TMEM182: variants seen among roughly 807,000 people sequenced by gnomAD.
TMEM182 encodes transmembrane protein 182.
TMEM182 carries 20 observed loss-of-function variants against 26.8 expected under a neutral mutation model. The ratio of observed to expected loss-of-function variants is 0.75; its 90% CI spans 0.53 to 1.09. The LOEUF (loss-of-function observed/expected upper bound fraction) is 1.09, where lower values mean the gene tolerates loss of function less well. TMEM182 is among the 50% of genes least tolerant of loss of function. The pLI, the probability that TMEM182 is intolerant of heterozygous loss-of-function variation, is 0.00. For missense variants in TMEM182, 277 were observed against 275.5 expected, an observed-to-expected ratio of 1.01 and a Z score of -0.04; for synonymous variants, 109 against 102.2, an observed-to-expected ratio of 1.07 and a Z score of -0.40.
rs1415248604 is a variant in TMEM182 at position 102,752,749 on chromosome 2, C to T, written c.-82-5640C>T. On this transcript the variant is annotated intron_variant, in intron 1 of 5. Coordinates refer to the TMEM182 transcript ENST00000409173. The stretch of plus-strand genomic sequence containing the variant: ...GGAAAGTCAGTTGGAAAGGAGTTTG[C>T]AAGTCCATTACATGTTTCCTGATAA... Among the ~76,000 whole-genome samples, 3 of 152,208 alleles carry T rather than the reference C, an allele frequency of 2.0e-5. No individual in the cohort carries two copies. In the East Asian group the frequency reaches 5.8e-4, roughly 29 times the overall value.
At chr2:102,802,055 A>G (rs568830991) in intron 4 of TMEM182, among the ~76,000 whole-genome samples, 1 of 152,312 alleles carries the variant, frequency 6.6e-6, no homozygotes, top group East Asian at 1.9e-4. Context: ...AGCTCTGCCC[A>G]CAACTAGGAG....
At position 102,815,654 on chromosome 2, in the gene TMEM182, A is replaced by C; in HGVS notation, c.*686A>C. ...CTACATTTAAAACTAGCAAATCTGC[A>C]TACCAAATTATGTATAACGTAGATT... is the stretch of plus-strand genomic sequence containing the variant. On this transcript the variant is annotated 3_prime_UTR_variant, in exon 5 of 5. Transcript: ENST00000412401. 1.0e-6 allele frequency: 1 copy of C among 985,118 alleles called. No homozygotes were observed. The highest frequency in any genetic ancestry group is 1.2e-6 in the Non-Finnish European group (1 of 829,608). The allele number at this position is 985,118 out of a possible 1,614,324, so 61.0% of individuals were successfully genotyped here.
rs1314464949 is a variant in TMEM182, at chr2:102,764,384, C to T, written c.288C>T (p.Phe96=). The T allele has an allele frequency of 1.2e-6, 2 of 1,613,980 alleles. No individual in the cohort carries two copies. The highest frequency in any genetic ancestry group is 2.2e-5 in the South Asian group (2 of 91,082). Residue 96 remains phenylalanine, a synonymous_variant, in exon 3 of 5, where the codon TTC becomes TTT. Transcript: ENST00000412401. ...ATGCTTACCTGTCTCCGTACCCCTT[C>T]ATGAGAGGCGAGCACAACTCGACCT... is the stretch of plus-strand genomic sequence containing the variant. ...CTHAYLSPYP[F]MRGEHNSTSY...
intron 1 of TMEM182, among the ~76,000 whole-genome samples, chr2:102,740,009 AAGAGAGACCTGTACACT>A (rs1476985105): frequency 1.3e-5 from 2 of 152,278 alleles, no homozygotes; most frequent in East Asian, 3.9e-4. Flanking sequence ...TCAAAGACCC[AAGAGAGACCTGTACACT>A]GAAAAATATT....
intron 4 of TMEM182, among the ~76,000 whole-genome samples, chr2:102,811,176 A>C (rs1220171479): frequency 6.6e-6 from 1 of 152,090 alleles, no homozygotes; most frequent in African/African-American, 2.4e-5. Context: ...ACACTTTTGA[A>C]AAAAGTACAG....
In TMEM182 at chr2:102,815,722, A is replaced by T; in HGVS notation, c.*754A>T. 2.1e-6 allele frequency: 2 copies of T among 964,878 alleles called. No individual in the cohort carries two copies. Among genetic ancestry groups the T allele is most frequent in the Non-Finnish European group, 2.5e-6 (2 of 811,210 alleles). 59.8% of individuals were successfully genotyped at this position (964,878 alleles called of 1,614,324 possible). ...AAGTGAGTTAATTGTATAATGTAAT[A>T]TTGTTTAAAATATGTAAAAACCAAG... On this transcript the variant is annotated 3_prime_UTR_variant, in exon 5 of 5. Transcript: ENST00000412401.
intron 3 of TMEM182, among the ~76,000 whole-genome samples, chr2:102,768,517 C>A (rs1474004199): frequency 1.4e-5 from 2 of 140,476 alleles, no homozygotes; most frequent in Non-Finnish European, 3.1e-5. Context: ...GAAATCCTAT[C>A]TGTACTAAAA....
At position 102,746,291 on chromosome 2, in the gene TMEM182, T is replaced by A. The variant is rs180748546; in HGVS notation, c.-83+9278T>A. 7.2e-3 allele frequency among the ~76,000 whole-genome samples: 1,104 copies of A among 152,316 alleles called. 18 individuals are homozygous for A. The highest frequency in any genetic ancestry group is 0.025 in the African/African-American group (1,030 of 41,560). On this transcript the variant is annotated intron_variant, in intron 1 of 5. Coordinates refer to the TMEM182 transcript ENST00000409173. ...CCTGTTTTTTAATTGCGATTTTTTTTAAATTATTGAGTTGTAAGAGTTCTT... is the reference window on the plus strand; with the variant it reads ...CCTGTTTTTTAATTGCGATTTTTTTAAAATTATTGAGTTGTAAGAGTTCTT...
At chr2:102,830,244 T>G (rs1683124949) in intron 3 of TMEM182, among the ~76,000 whole-genome samples, 1 of 152,244 alleles carries the variant, frequency 6.6e-6, no homozygotes, top group Non-Finnish European at 1.5e-5. Flanking sequence ...AATCAAGTTT[T>G]GACAACCACT....
intron 4 of TMEM182, among the ~76,000 whole-genome samples, chr2:102,810,863 A>G (rs1168292621): frequency 2.0e-5 from 3 of 152,124 alleles, no homozygotes; most frequent in African/African-American, 7.2e-5. Context: ...TATTCTTGCT[A>G]AAGTCACTGT....
upstream of TMEM182, chr2:102,757,642 A>G (rs1451301824): frequency 3.3e-5 from 5 of 152,250 alleles, no homozygotes; most frequent in Non-Finnish European, 1.5e-5. Flanking sequence ...AACTTCTTCT[A>G]CAGTATTGAT....
chr2:102,809,639 A>G (rs1207591745), intron 4 of TMEM182, among the ~76,000 whole-genome samples: 5 of 152,216 alleles, frequency 3.3e-5, no homozygotes, highest in African/African-American at 1.2e-4. Context: ...CACAGGCTCA[A>G]CGTTTGACCT....
Position 102,778,097 on chromosome 2 carries a change from A to G in TMEM182, c.331+13670A>G, listed in dbSNP as rs1378704323. ...TGTAGTTGTTCCATCAACTAGTAAG[A>G]GAGAGGTGTCGAAGTCTCCAGTTAA... On this transcript the variant is annotated intron_variant, in intron 3 of 4. Coordinates refer to ENST00000412401, the MANE Select transcript of TMEM182 (RefSeq NM_144632.5). Among the ~76,000 whole-genome samples, 3 of 152,052 alleles carry G rather than the reference A, an allele frequency of 2.0e-5. No individual in the cohort carries two copies. The East Asian group carries it at 5.8e-4, about 29-fold the overall frequency.
intron 3 of TMEM182, among the ~76,000 whole-genome samples, chr2:102,766,953 C>A (rs1251538333): frequency 6.6e-6 from 1 of 152,050 alleles, no homozygotes; most frequent in Non-Finnish European, 1.5e-5. Context: ...TGAAATTATC[C>A]TTTTATAATA....
intron 3 of TMEM182, among the ~76,000 whole-genome samples, chr2:102,792,895 A>C (rs1681708601): frequency 6.6e-6 from 1 of 152,182 alleles, no homozygotes; most frequent in Non-Finnish European, 1.5e-5. Context: ...CAGGAATGAC[A>C]GCATTCTGGG....
Position 102,769,624 on chromosome 2 carries a change from G to A in TMEM182, c.331+5197G>A, listed in dbSNP as rs150608969. ...TGATTTCTCAAATTTTAAACATGTTGGTTGCTACCTCTGCATCAAAAATAA... is the reference window on the plus strand; with the variant it reads ...TGATTTCTCAAATTTTAAACATGTTAGTTGCTACCTCTGCATCAAAAATAA... On this transcript the variant is annotated intron_variant, in intron 3 of 4. Coordinates refer to ENST00000412401, the MANE Select transcript of TMEM182 (RefSeq NM_144632.5). Among the ~76,000 whole-genome samples, 805 of 152,136 alleles carry A rather than the reference G, an allele frequency of 5.3e-3. 7 individuals carry two copies. The highest frequency in any genetic ancestry group is 0.018 in the African/African-American group (755 of 41,498).
upstream of TMEM182, among the ~76,000 whole-genome samples, chr2:102,760,213 G>C (rs1680165157): frequency 6.6e-6 from 1 of 152,178 alleles, no homozygotes; most frequent in South Asian, 2.1e-4. Flanking sequence ...AGAGTGTTTG[G>C]CTTAGAAAAA....
At chr2:102,743,904 A>G (rs1348583876) in intron 1 of TMEM182, among the ~76,000 whole-genome samples, 1 of 152,218 alleles carries the variant, frequency 6.6e-6, no homozygotes, top group Non-Finnish European at 1.5e-5. Context: ...CAATTCTCCA[A>G]GAAGACCTAA....
At chr2:102,749,939 T>A (rs902171287) in intron 1 of TMEM182, among the ~76,000 whole-genome samples, 1 of 152,160 alleles carries the variant, frequency 6.6e-6, no homozygotes, top group African/African-American at 2.4e-5. Context: ...TTTCTGGTGA[T>A]TACGTCTAGG....
Sources: gnomAD v4.1 joint callset for allele counts (sites outside exome capture counted in the v4.1 genomes callset) on GRCh38, gnomAD v4.1.1 for gene constraint, MANE v1.5 for transcripts, NCBI Gene and HGNC (gene_info 2026-07-23, HGNC 2026-07-21) for gene names.